GPR39: variants seen among roughly 807,000 people sequenced by gnomAD.
GPR39 encodes zinc sensing receptor.
In GPR39, 23 loss-of-function variants were observed where a neutral mutation model predicts 18.4. That is an observed-to-expected ratio of 1.25 (90% CI 0.90 to 1.77). The LOEUF is 1.77. GPR39 is among the 40% of genes most tolerant of loss of function. GPR39 has a pLI of 0.00. For synonymous variants in GPR39, 280 were observed against 257.9 expected, an observed-to-expected ratio of 1.09 and a Z score of -0.82; for missense variants, 647 against 602.4, an observed-to-expected ratio of 1.07 and a Z score of -0.78.
rs763052362 is a variant in GPR39, at chr2:132,417,532, G to A, written c.490G>A (p.Ala164Thr). 9.3e-6 allele frequency: 15 copies of A among 1,614,018 alleles called. No homozygotes were observed. Among genetic ancestry groups the A allele is most frequent in the Non-Finnish European group, 1.3e-5 (15 of 1,180,032 alleles). Reference sequence around the variant, plus strand: ...GATTGGCTTCGTCTGGGTCACCTCCGCCCTGGTGGCACTGCCCTTGCTGTT... The same window carrying A: ...GATTGGCTTCGTCTGGGTCACCTCCACCCTGGTGGCACTGCCCTTGCTGTT... ...LLIGFVWVTS[A>T]LVALPLLFAM... Residue 164 changes from alanine to threonine, a missense_variant, in exon 1 of 2, where the codon GCC (alanine) becomes ACC (threonine). Around this residue, in one of 3 missense-constraint regions of GPR39, gnomAD observed 581 missense variants for 506.8 expected, o/e 1.15. Coordinates refer to ENST00000329321, the MANE Select transcript of GPR39 (RefSeq NM_001508.3).
intron 1 of GPR39, among the ~76,000 whole-genome samples, chr2:132,606,890 C>T (rs538380933): frequency 4.4e-4 from 67 of 152,270 alleles, no homozygotes; most frequent in Non-Finnish European, 6.6e-4. Flanking sequence ...CCCTGGAGTC[C>T]GCGTTGCCCC....
At chr2:132,542,641 G>A (rs148284213) in intron 1 of GPR39, among the ~76,000 whole-genome samples, 2 of 152,280 alleles carry the variant, frequency 1.3e-5, no homozygotes, top group African/African-American at 2.4e-5. Flanking sequence ...GGTGAGTGCT[G>A]CACAGAGGCT....
At chr2:132,429,767 G>T (rs1680191684) in intron 1 of GPR39, among the ~76,000 whole-genome samples, 1 of 152,164 alleles carries the variant, frequency 6.6e-6, no homozygotes, top group Admixed American at 6.5e-5. Context: ...GTGATTCTCT[G>T]GCCCTCCTAG....
rs1312465506 is a variant in GPR39, at chr2:132,417,202, G to A, written c.160G>A (p.Val54Ile). The part of the protein sequence containing the change: ...GLLGNSATIR[V>I]TQVLQKKGYL... The stretch of plus-strand genomic sequence containing the variant: ...TCTGGGGAACAGCGCCACCATTCGG[G>A]TCACCCAGGTGCTGCAGAAGAAAGG... Residue 54 changes from valine (V) to isoleucine (I), a missense_variant, in exon 1 of 2, where the codon GTC becomes ATC. By Grantham distance (29) the Val-to-Ile change is conservative. This residue lies in a region of GPR39 where 61 missense variants were observed against 79.2 expected (regional missense o/e 0.77). Transcript: ENST00000329321. 3.7e-6 allele frequency: 6 copies of A among 1,614,098 alleles called. No individual in the cohort carries two copies. The Middle Eastern group carries it at 4.9e-4, about 133-fold the overall frequency.
At position 132,645,138 on chromosome 2, in the gene GPR39, C is replaced by G. The variant is rs751499179; in HGVS notation, c.894C>G (p.Pro298=). ...TGACATTGGCCGTATGCTGGATGCC[C>G]AACCAGATTCGGAGGATCATGGCTG... The part of the protein sequence containing the change: ...IVVTLAVCWM[P]NQIRRIMAAA... The change falls in exon 2 of 2, where the codon CCC becomes CCG. Residue 298 remains proline (P), a synonymous_variant. Transcript: ENST00000329321. 1 of 1,613,980 alleles carries G rather than the reference C, an allele frequency of 6.2e-7. No homozygotes were observed. Among genetic ancestry groups the G allele is most frequent in the Admixed American group, 1.7e-5 (1 of 60,022 alleles).
At chr2:132,592,097 T>C (rs1194328098) in intron 1 of GPR39, among the ~76,000 whole-genome samples, 2 of 152,200 alleles carry the variant, frequency 1.3e-5, no homozygotes, top group East Asian at 3.8e-4. Flanking sequence ...ATTCTAGACA[T>C]TAAGAGCAAA....
chr2:132,514,548 T>C (rs899348774), intron 1 of GPR39, among the ~76,000 whole-genome samples: 2 of 152,224 alleles, frequency 1.3e-5, no homozygotes, highest in Non-Finnish European at 2.9e-5. Context: ...TCTCTAGCTC[T>C]GTTCCCCTCT....
chr2:132,423,047 C>T lies in GPR39; in HGVS notation c.856+5149C>T, dbSNP rs952278422. On this transcript the variant is annotated intron_variant, in intron 1 of 1. Coordinates refer to ENST00000329321, the MANE Select transcript of GPR39 (RefSeq NM_001508.3). ...GAATATTGAATTGGGAGTCAAGGAG[C>T]CCCTCTGGCTGTACAAGGCAAGGTC... is the stretch of plus-strand genomic sequence containing the variant. Among the ~76,000 whole-genome samples, 9 of 151,886 alleles carry T rather than the reference C, an allele frequency of 5.9e-5. 1 individual carries two copies. Among genetic ancestry groups the T allele is most frequent in the African/African-American group, 2.2e-4 (9 of 41,272 alleles).
chr2:132,429,840 G>T (rs1680192526), intron 1 of GPR39, among the ~76,000 whole-genome samples: 1 of 152,226 alleles, frequency 6.6e-6, no homozygotes. Context: ...TCTGCTGTTT[G>T]TCCTAAGAAC....
chr2:132,609,721 A>G (rs1031885978), intron 1 of GPR39, among the ~76,000 whole-genome samples: 1 of 152,190 alleles, frequency 6.6e-6, no homozygotes, highest in African/African-American at 2.4e-5. Flanking sequence ...GCTGTCTGCC[A>G]AAAGACCCTC....
At chr2:132,525,441 G>T (rs1472570269) in intron 1 of GPR39, among the ~76,000 whole-genome samples, 1 of 152,224 alleles carries the variant, frequency 6.6e-6, no homozygotes, top group African/African-American at 2.4e-5. Context: ...GTTTGCTAAT[G>T]CTCCCTGACT....
chr2:132,470,495 A>C (rs1681009172), intron 1 of GPR39, among the ~76,000 whole-genome samples: 1 of 152,188 alleles, frequency 6.6e-6, no homozygotes, highest in Non-Finnish European at 1.5e-5. Flanking sequence ...GAACGGGGCA[A>C]GTAGGGTGCC....
chr2:132,505,152 T>G (rs1437678933), intron 1 of GPR39, among the ~76,000 whole-genome samples: 1 of 152,178 alleles, frequency 6.6e-6, no homozygotes, highest in African/African-American at 2.4e-5. Flanking sequence ...AGCACCTTCT[T>G]GTTAGTAGGG....
At chr2:132,460,447 G>A (rs1344667388) in intron 1 of GPR39, among the ~76,000 whole-genome samples, 2 of 152,166 alleles carry the variant, frequency 1.3e-5, no homozygotes, top group African/African-American at 4.8e-5. Flanking sequence ...AGTCATTGGA[G>A]TAGAATGGAA....
chr2:132,533,112 A>G (rs374563813), intron 1 of GPR39, among the ~76,000 whole-genome samples: 2 of 152,202 alleles, frequency 1.3e-5, no homozygotes, highest in East Asian at 1.9e-4. Context: ...GTCTCAGCCC[A>G]AAATCTCCTT....
intron 1 of GPR39, among the ~76,000 whole-genome samples, chr2:132,614,521 G>A (rs1399221447): frequency 2.0e-5 from 3 of 151,992 alleles, no homozygotes; most frequent in African/African-American, 7.3e-5. Context: ...TTATAGGCAT[G>A]AGCCACCGCA....
intron 1 of GPR39, among the ~76,000 whole-genome samples, chr2:132,481,786 G>T (rs1290762353): frequency 6.6e-6 from 1 of 152,212 alleles, no homozygotes; most frequent in African/African-American, 2.4e-5. Flanking sequence ...CTTGGAGGCA[G>T]TTCCTTAATG....
At chr2:132,455,293 T>TG (rs1479148198) in intron 1 of GPR39, among the ~76,000 whole-genome samples, 2 of 152,240 alleles carry the variant, frequency 1.3e-5, no homozygotes, top group African/African-American at 2.4e-5. Context: ...TATTCTCTGA[T>TG]GGTAGTTTGT....
Position 132,416,860 on chromosome 2 carries a change from G to A in GPR39, c.-183G>A. The A allele has an allele frequency of 1.3e-6, 1 of 785,844 alleles. No homozygotes were observed. The highest frequency in any genetic ancestry group is 2.0e-6 in the Non-Finnish European group (1 of 503,858). The allele number at this position is 785,844 out of a possible 1,614,324, so 48.7% of individuals were successfully genotyped here. A position where few individuals can be genotyped will look rare whatever the true frequency, so the allele number is the denominator to read the frequency against. ...GCCTCCTGGGCCTCTCCTAGGTTGG[G>A]CTGCTCCAGCAAGTTTCCATGAAAG... On this transcript the variant is annotated 5_prime_UTR_variant, in exon 1 of 2. Coordinates refer to ENST00000329321, the MANE Select transcript of GPR39 (RefSeq NM_001508.3).
Sources: allele counts gnomAD v4.1 joint callset (sites outside exome capture counted in the v4.1 genomes callset), GRCh38; gene constraint gnomAD v4.1.1; regional missense constraint gnomAD v4.1.1; transcripts MANE v1.5; gene names NCBI Gene and HGNC (gene_info 2026-07-23, HGNC 2026-07-21).